Variants in ASAP1 observed in about 807,000 individuals in gnomAD.
The protein encoded by ASAP1 is ArfGAP with SH3 domain, ankyrin repeat and PH domain 1.
Under a neutral mutation model 145.2 loss-of-function variants are expected in ASAP1, and 43 were observed. The ratio of observed to expected loss-of-function variants is 0.30; its 90% CI spans 0.23 to 0.38. The LOEUF is 0.38. ASAP1 is among the 10% of genes least tolerant of loss of function. The probability of loss-of-function intolerance (pLI) is 1.00; values close to 1 mark genes in which losing one functional copy is unlikely to be tolerated. For synonymous variants in ASAP1, 546 were observed against 515.5 expected (o/e 1.06, Z -0.80); for missense variants, 1,018 against 1,355.3 (o/e 0.75, Z 3.91).
At chr8:130,135,950 A>G (rs1306500238) in intron 14 of ASAP1, among the ~76,000 whole-genome samples, 1 of 152,232 alleles carries the variant, frequency 6.6e-6, no homozygotes, top group Non-Finnish European at 1.5e-5. Context: ...CTTTTGGGTC[A>G]GGACTATTCA....
intron 18 of ASAP1, among the ~76,000 whole-genome samples, chr8:130,120,795 C>T (rs1411561371): frequency 6.6e-6 from 1 of 152,194 alleles, no homozygotes; most frequent in Non-Finnish European, 1.5e-5. Flanking sequence ...TCTTACTAGG[C>T]ACAATGCCTT....
intron 4 of ASAP1, among the ~76,000 whole-genome samples, chr8:130,224,762 C>A (rs1817494966): frequency 1.3e-5 from 2 of 152,156 alleles, no homozygotes; most frequent in Admixed American, 1.3e-4. Flanking sequence ...CAGCTTTTGC[C>A]ATCAAAACAC....
chr8:130,186,832 T>C (rs768404075), intron 7 of ASAP1, among the ~76,000 whole-genome samples: 3 of 152,206 alleles, frequency 2.0e-5, no homozygotes, highest in Admixed American at 2.0e-4. Flanking sequence ...TTAGTGCACG[T>C]CCTGGCAGGC....
intron 1 of ASAP1, among the ~76,000 whole-genome samples, chr8:130,438,077 C>T (rs949270898): frequency 1.3e-5 from 2 of 152,172 alleles, no homozygotes; most frequent in Admixed American, 6.5e-5. Flanking sequence ...CGCCCTCAGT[C>T]GCTTTGTAAC....
intron 11 of ASAP1, among the ~76,000 whole-genome samples, chr8:130,161,158 C>T (rs1476452999): frequency 1.3e-5 from 2 of 151,600 alleles, no homozygotes; most frequent in Admixed American, 1.3e-4. Context: ...ATGAATTATT[C>T]AGAAAATCTA....
At chr8:130,160,121 C>T (rs2097666021) in intron 11 of ASAP1, 157 bp from the exon 12 acceptor site, 1 of 628,600 alleles carries the variant, frequency 1.6e-6, no homozygotes, top group East Asian at 2.8e-5. Flanking sequence ...GAGGAGGAAA[C>T]AGGGCAGCTA....
chr8:130,148,841 CT>C (rs199811164), intron 13 of ASAP1, among the ~76,000 whole-genome samples: 1 of 151,586 alleles, frequency 6.6e-6, no homozygotes, highest in Non-Finnish European at 1.5e-5. Flanking sequence ...GAGGCTAAAA[CT>C]TTTTTTTCTT....
chr8:130,386,823 T>C (rs4629915), intron 2 of ASAP1: 16,833 of 152,260 alleles, frequency 0.11, 1,048 homozygotes, highest in South Asian at 0.28. Context: ...TTTAGGTTCA[T>C]GGCTCAGCCA....
intron 2 of ASAP1, among the ~76,000 whole-genome samples, chr8:130,394,727 T>C (rs1002635458): frequency 1.3e-5 from 2 of 152,196 alleles, no homozygotes; most frequent in Non-Finnish European, 2.9e-5. Context: ...TTCTCTCTTT[T>C]GTACTCTGTC....
chr8:130,332,610 G>A (rs1296149477), intron 3 of ASAP1, among the ~76,000 whole-genome samples: 5 of 152,026 alleles, frequency 3.3e-5, no homozygotes, highest in South Asian at 2.1e-4. Flanking sequence ...ACAACTTTTC[G>A]TTTTCTTATT....
chr8:130,344,493 A>G (rs1275479074), intron 3 of ASAP1, among the ~76,000 whole-genome samples: 1 of 152,252 alleles, frequency 6.6e-6, no homozygotes, highest in Non-Finnish European at 1.5e-5. Flanking sequence ...AATGAAAAAA[A>G]GATTGGCCAA....
intron 1 of ASAP1, among the ~76,000 whole-genome samples, chr8:130,405,650 G>A (rs1467108029): frequency 6.6e-6 from 1 of 152,194 alleles, no homozygotes; most frequent in Non-Finnish European, 1.5e-5. Flanking sequence ...AGACCATCGT[G>A]AACCTTCAGA....
At position 130,400,745 on chromosome 8, in the gene ASAP1, A is replaced by T. The variant is rs550055452; in HGVS notation, c.59+1140T>A. On this transcript the variant is annotated intron_variant, in intron 2 of 29. Transcript: ENST00000518721. ...GGCGGAGCTTGCAGTGAGCCGAGAT[A>T]GCGCCACTGCGCTCCAGCCTGGGCA... Among the ~76,000 whole-genome samples, 9 of 149,584 alleles carry T rather than the reference A, an allele frequency of 6.0e-5. No individual in the cohort carries two copies. The East Asian group carries it at 9.9e-4, about 17-fold the overall frequency.
At chr8:130,097,705 C>A (rs1178399291) in intron 24 of ASAP1, among the ~76,000 whole-genome samples, 2 of 152,186 alleles carry the variant, frequency 1.3e-5, no homozygotes, top group Non-Finnish European at 2.9e-5. Flanking sequence ...AAGCTCTTGT[C>A]CCACATTCCT....
chr8:130,140,359 T>C (rs929801994), intron 13 of ASAP1, among the ~76,000 whole-genome samples: 5 of 151,852 alleles, frequency 3.3e-5, no homozygotes, highest in Non-Finnish European at 7.4e-5. Flanking sequence ...TTTCTTTCTT[T>C]CTTTTTTTTT....
chr8:130,347,540 T>C (rs910345184), intron 3 of ASAP1, among the ~76,000 whole-genome samples: 1 of 152,242 alleles, frequency 6.6e-6, no homozygotes, highest in Admixed American at 6.5e-5. Flanking sequence ...GTCCCAGCTT[T>C]GCTGTGTGAT....
At chr8:130,143,609 A>T (rs1179471271) in intron 13 of ASAP1, among the ~76,000 whole-genome samples, 2 of 152,206 alleles carry the variant, frequency 1.3e-5, no homozygotes, top group Non-Finnish European at 2.9e-5. Context: ...CATTTCATGA[A>T]GAGAAGTGAT....
chr8:130,433,201 T>G (rs566297078), intron 1 of ASAP1, among the ~76,000 whole-genome samples: 1 of 152,364 alleles, frequency 6.6e-6, no homozygotes, highest in Non-Finnish European at 1.5e-5. Context: ...CAGGGATGAC[T>G]GCATTTCAGA....
At chr8:130,124,933 G>A (rs1176465666) in intron 17 of ASAP1, among the ~76,000 whole-genome samples, 5 of 152,262 alleles carry the variant, frequency 3.3e-5, no homozygotes, top group South Asian at 2.1e-4. Context: ...CTAGGGAGCC[G>A]AGTATCAGCA....
Sources: gnomAD v4.1 joint callset for allele counts (sites outside exome capture counted in the v4.1 genomes callset) on GRCh38, gnomAD v4.1.1 for gene constraint, MANE v1.5 for transcripts, NCBI Gene and HGNC (gene_info 2026-07-23, HGNC 2026-07-21) for gene names.